EBPL: variants seen among roughly 807,000 people sequenced by gnomAD.
EBPL encodes emopamil-binding protein-like.
In EBPL, 20 loss-of-function variants were observed where a neutral mutation model predicts 19.0. The ratio of observed to expected loss-of-function variants is 1.05; its 90% confidence interval spans 0.74 to 1.53. EBPL has a LOEUF of 1.53. Ranked by LOEUF, EBPL falls within the 40% of genes most tolerant of loss-of-function variation. EBPL has a pLI of 0.00. For missense variants in EBPL, 219 were observed against 261.1 expected, an observed-to-expected ratio of 0.84 and a Z score of 1.11; for synonymous variants, 107 against 117.0, an observed-to-expected ratio of 0.91 and a Z score of 0.55.
At chr13:49,663,220 C>T (rs1594402899) in intron 2 of EBPL, 25 bp from the exon 3 acceptor site, 2 of 1,610,422 alleles carry the variant, frequency 1.2e-6, no homozygotes, top group East Asian at 2.2e-5. Flanking sequence ...CATGTTGTTA[C>T]TCAAATGGCA....
chr13:49,667,256 C>A (rs560094147), intron 2 of EBPL, among the ~76,000 whole-genome samples: 1 of 152,290 alleles, frequency 6.6e-6, no homozygotes, highest in South Asian at 2.1e-4. Context: ...CAAACAGGAG[C>A]ATTAAAAAGC....
At chr13:49,678,810 C>CAA (rs1953909671) in intron 1 of EBPL, among the ~76,000 whole-genome samples, 1 of 151,842 alleles carries the variant, frequency 6.6e-6, no homozygotes, top group East Asian at 1.9e-4. Context: ...GCGAGTGAGG[C>CAA]CTGTTAGCAC....
chr13:49,684,397 G>A (rs191328889), intron 1 of EBPL, among the ~76,000 whole-genome samples: 10 of 152,236 alleles, frequency 6.6e-5, no homozygotes, highest in South Asian at 4.1e-4. Flanking sequence ...GAGGCCAGGC[G>A]TAGTGGCTCA....
intron 1 of EBPL, among the ~76,000 whole-genome samples, chr13:49,674,646 T>A (rs1953857110): frequency 1.3e-5 from 2 of 149,744 alleles, no homozygotes; most frequent in Admixed American, 1.3e-4. Context: ...TAGGCCAGGC[T>A]CTGGCCTCAG....
intron 2 of EBPL, among the ~76,000 whole-genome samples, chr13:49,666,940 G>T (rs555598529): frequency 6.6e-6 from 1 of 151,890 alleles, no homozygotes; most frequent in Admixed American, 6.6e-5. Flanking sequence ...CTAATTTCAG[G>T]CCTTATACCA....
intron 1 of EBPL, among the ~76,000 whole-genome samples, chr13:49,678,169 C>T (rs897782157): frequency 1.3e-5 from 2 of 152,176 alleles, no homozygotes; most frequent in African/African-American, 4.8e-5. Flanking sequence ...GTTTACGAAC[C>T]TTGAGCTAGA....
intron 1 of EBPL, among the ~76,000 whole-genome samples, chr13:49,685,459 A>AT (rs1369718568): frequency 6.6e-6 from 1 of 152,230 alleles, no homozygotes; most frequent in Non-Finnish European, 1.5e-5. Flanking sequence ...TTTATAGATC[A>AT]TTAAGGAAAA....
At chr13:49,674,186 T>A (rs775338221) in intron 1 of EBPL, among the ~76,000 whole-genome samples, 2 of 152,150 alleles carry the variant, frequency 1.3e-5, no homozygotes, top group Non-Finnish European at 2.9e-5. Context: ...TCATTCAACC[T>A]CCGCCTCCTG....
chr13:49,665,394 C>T (rs1402729462), intron 2 of EBPL, among the ~76,000 whole-genome samples: 1 of 152,236 alleles, frequency 6.6e-6, no homozygotes, highest in African/African-American at 2.4e-5. Flanking sequence ...GCCTCAGCCT[C>T]CCAAGTAGCT....
chr13:49,668,974 G>C (rs1226321595), intron 2 of EBPL, among the ~76,000 whole-genome samples: 1 of 151,384 alleles, frequency 6.6e-6, no homozygotes, highest in African/African-American at 2.4e-5. Flanking sequence ...CCACCTCCTG[G>C]GTTCACGCCA....
chr13:49,663,465 C>A (rs1056851786), intron 2 of EBPL, among the ~76,000 whole-genome samples: 13 of 152,272 alleles, frequency 8.5e-5, no homozygotes, highest in East Asian at 7.7e-4. Flanking sequence ...CTCAGCCCCA[C>A]CCTCTTCAAC....
chr13:49,677,829 G>A (rs756276579), intron 1 of EBPL, among the ~76,000 whole-genome samples: 15 of 152,128 alleles, frequency 9.9e-5, no homozygotes, highest in African/African-American at 3.4e-4. Flanking sequence ...GGACCCTCGC[G>A]GTGAGTGTTA....
chr13:49,688,819 A>G (rs1954029696), intron 1 of EBPL, among the ~76,000 whole-genome samples: 1 of 151,872 alleles, frequency 6.6e-6, no homozygotes, highest in Non-Finnish European at 1.5e-5. Context: ...TAAGCTCTAC[A>G]TCTTAGTCTT....
intron 2 of EBPL, chr13:49,668,704 C>T (rs191887214): frequency 2.5e-4 from 73 of 297,830 alleles, no homozygotes; most frequent in Non-Finnish European, 3.7e-4. Context: ...TGACACAGTA[C>T]ATGGTAGAAT....
intron 1 of EBPL, among the ~76,000 whole-genome samples, chr13:49,687,525 TGAGCCTTTCCA>T (rs150458528): frequency 0.011 from 1,680 of 152,334 alleles, 12 homozygotes; most frequent in Middle Eastern, 0.017. Context: ...GTTTCTATAA[TGAGCCTTTCCA>T]GAGTAGTAAA....
Position 49,663,118 on chromosome 13 carries a change from C to T in EBPL, c.319G>A (p.Ala107Thr), listed in dbSNP as rs367558500. 6.1e-5 allele frequency: 99 copies of T among 1,614,146 alleles called. No homozygotes were observed. Among genetic ancestry groups the T allele is most frequent in the South Asian group, 5.7e-4 (52 of 91,080 alleles). The part of the protein sequence containing the change: ...TIVSVEILTV[A>T]LDGSLALFLI... ...AACAATGCCAGAGACCCATCCAGGG[C>T]GACGGTCAGAATTTCCACAGACACA... is the stretch of plus-strand genomic sequence containing the variant. Residue 107 changes from alanine to threonine, a missense_variant, in exon 3 of 4, where the codon GCC becomes ACC. By Grantham distance (58) the Ala-to-Thr change is moderately conservative. Around this residue, in one of 2 missense-constraint regions of EBPL, gnomAD observed 170 missense variants for 167.0 expected, o/e 1.02. Coordinates refer to ENST00000242827, the MANE Select transcript of EBPL (RefSeq NM_032565.5).
chr13:49,679,837 C>G (rs951713814), intron 1 of EBPL, among the ~76,000 whole-genome samples: 4 of 152,074 alleles, frequency 2.6e-5, no homozygotes, highest in Non-Finnish European at 4.4e-5. Flanking sequence ...GCTACTTTCA[C>G]CTCTCCGGGC....
intron 1 of EBPL, among the ~76,000 whole-genome samples, chr13:49,684,573 G>A (rs1256124469): frequency 6.6e-6 from 1 of 152,194 alleles, no homozygotes; most frequent in East Asian, 1.9e-4. Flanking sequence ...TATTTGGGAG[G>A]CTGAGGCAGG....
intron 1 of EBPL, among the ~76,000 whole-genome samples, chr13:49,689,643 G>A (rs1024750743): frequency 1.3e-4 from 20 of 152,046 alleles, no homozygotes; most frequent in African/African-American, 1.4e-4. Context: ...CACTGTGTCC[G>A]ATATGTTATA....
Sources: gnomAD v4.1 joint callset for allele counts (sites outside exome capture counted in the v4.1 genomes callset) on GRCh38, gnomAD v4.1.1 for gene constraint, gnomAD v4.1.1 regional missense constraint, MANE v1.5 for transcripts, NCBI Gene and HGNC (gene_info 2026-07-23, HGNC 2026-07-21) for gene names.